SDCCAG8: variants seen among roughly 807,000 people sequenced by gnomAD.
The protein encoded by SDCCAG8 is serologically defined colon cancer antigen 8.
Under a neutral mutation model 101.8 loss-of-function variants are expected in SDCCAG8, and 74 were observed. The observed-to-expected ratio is 0.73, with a 90% CI of 0.60 to 0.88. The LOEUF (loss-of-function observed/expected upper bound fraction) is 0.88, where lower values mean the gene tolerates loss of function less well. SDCCAG8 is among the 40% of genes least tolerant of loss of function. The probability of loss-of-function intolerance (pLI) is 0.00; values close to 1 mark genes in which losing one functional copy is unlikely to be tolerated. For missense variants in SDCCAG8, 787 were observed against 822.6 expected (o/e 0.96, Z 0.53); for synonymous variants, 281 against 292.9 (o/e 0.96, Z 0.41).
chr1:243,412,606 T>C (rs866311121), intron 13 of SDCCAG8, among the ~76,000 whole-genome samples: 8 of 152,158 alleles, frequency 5.3e-5, no homozygotes, highest in East Asian at 3.9e-4. Flanking sequence ...CTTTTTTTTT[T>C]CCCAGCTCAT....
intron 12 of SDCCAG8, 122 bp from the exon 13 acceptor site, chr1:243,378,599 C>T (rs1030953270): frequency 9.4e-7 from 1 of 1,064,796 alleles, no homozygotes; most frequent in Non-Finnish European, 1.4e-6. Context: ...TGGAAGCTAG[C>T]CTAAATTTTC....
chr1:243,270,984 A>C lies in SDCCAG8; in HGVS notation c.227A>C (p.Gln76Pro). Reference protein sequence around the residue: ...PELQQSHAVNQLKDLLRQQAD... With the variant: ...PELQQSHAVNPLKDLLRQQAD... ...CTCTGCTTTTGCTCTATAGTTAATC[A>C]GCTCAAAGATTTGTTGCGCCAACAA... The change falls in exon 3 of 18, where the codon CAG (glutamine) becomes CCG (proline). Residue 76 changes from glutamine (Q) to proline (P), a missense_variant. By Grantham distance (76) the Gln-to-Pro change is moderately conservative. Transcript: ENST00000366541. The C allele has an allele frequency of 1.9e-6, 3 of 1,612,396 alleles. No individual in the cohort carries two copies. The highest frequency in any genetic ancestry group is 2.5e-6 in the Non-Finnish European group (3 of 1,178,574).
intron 12 of SDCCAG8, among the ~76,000 whole-genome samples, chr1:243,376,178 G>T (rs2077584867): frequency 2.6e-5 from 4 of 152,136 alleles, no homozygotes; most frequent in Admixed American, 2.0e-4. Context: ...TGCTGTTCTT[G>T]AAAGACAGAG....
intron 8 of SDCCAG8, among the ~76,000 whole-genome samples, chr1:243,311,657 G>A (rs1461580663): frequency 6.6e-6 from 1 of 152,064 alleles, no homozygotes; most frequent in Non-Finnish European, 1.5e-5. Context: ...GCTCATGCCT[G>A]TAATCCCAGC....
intron 12 of SDCCAG8, among the ~76,000 whole-genome samples, chr1:243,344,689 A>G (rs2075595613): frequency 6.6e-6 from 1 of 152,232 alleles, no homozygotes; most frequent in African/African-American, 2.4e-5. Context: ...CCAATTTTAA[A>G]TGAAAAAGTT....
At chr1:243,448,431 A>G (rs2148119350) in intron 16 of SDCCAG8, among the ~76,000 whole-genome samples, 1 of 152,326 alleles carries the variant, frequency 6.6e-6, no homozygotes, top group Non-Finnish European at 1.5e-5. Context: ...TTCACTCTAC[A>G]TACATACATT....
chr1:243,438,921 A>AT (rs2082338062), intron 16 of SDCCAG8, among the ~76,000 whole-genome samples: 1 of 151,978 alleles, frequency 6.6e-6, no homozygotes, highest in African/African-American at 2.4e-5. Context: ...GTATCTTTCC[A>AT]TATCTGTTTT....
intron 9 of SDCCAG8, among the ~76,000 whole-genome samples, chr1:243,327,403 G>A (rs1351746692): frequency 8.6e-6 from 1 of 116,874 alleles, no homozygotes; most frequent in African/African-American, 2.8e-5. Context: ...TAATTTTATA[G>A]AAATTTATAA....
intron 16 of SDCCAG8, among the ~76,000 whole-genome samples, chr1:243,445,568 G>A (rs1462329679): frequency 6.6e-6 from 1 of 152,228 alleles, no homozygotes; most frequent in Non-Finnish European, 1.5e-5. Context: ...CATGACAGGT[G>A]ATGGATATGT....
chr1:243,362,971 G>A (rs967380336), intron 12 of SDCCAG8, among the ~76,000 whole-genome samples: 7 of 152,156 alleles, frequency 4.6e-5, no homozygotes, highest in South Asian at 2.1e-4. Flanking sequence ...GGTCATTTTC[G>A]TTTGGGCCTG....
At chr1:243,491,722 A>G (rs1666456557) in intron 17 of SDCCAG8, among the ~76,000 whole-genome samples, 2 of 152,180 alleles carry the variant, frequency 1.3e-5, no homozygotes, top group South Asian at 4.1e-4. Context: ...AGGTTCGAGC[A>G]GGTATTTTGG....
chr1:243,499,839 C>G lies in SDCCAG8; in HGVS notation c.*54C>G. On this transcript the variant is annotated 3_prime_UTR_variant, in exon 18 of 18. Transcript: ENST00000366541. ...TTTACAAAGAGATATTTACATTCATCTGGTTTAGACTTAATATGCCACAAC... is the reference window on the plus strand; with the variant it reads ...TTTACAAAGAGATATTTACATTCATGTGGTTTAGACTTAATATGCCACAAC... The G allele has an allele frequency of 6.5e-7, 1 of 1,550,212 alleles. No individual in the cohort carries two copies. Among genetic ancestry groups the G allele is most frequent in the Non-Finnish European group, 8.9e-7 (1 of 1,125,048 alleles).
At chr1:243,486,443 C>T (rs1264333642) in intron 16 of SDCCAG8, among the ~76,000 whole-genome samples, 4 of 152,074 alleles carry the variant, frequency 2.6e-5, no homozygotes, top group Non-Finnish European at 5.9e-5. Context: ...CTTGATTCAG[C>T]GGGGTCTGGG....
intron 16 of SDCCAG8, among the ~76,000 whole-genome samples, chr1:243,472,173 T>A (rs2994325): frequency 0.052 from 7,990 of 152,282 alleles, 727 homozygotes; most frequent in African/African-American, 0.18. Flanking sequence ...TAGCTGCTGA[T>A]ATAGTTAGGT....
At chr1:243,385,884 A>T (rs2078253661) in intron 13 of SDCCAG8, among the ~76,000 whole-genome samples, 2 of 152,084 alleles carry the variant, frequency 1.3e-5, no homozygotes, top group Admixed American at 1.3e-4. Context: ...CTCAAGAATC[A>T]CTTGAGCCCG....
chr1:243,267,463 G>A (rs908525011), intron 1 of SDCCAG8: 4 of 332,314 alleles, frequency 1.2e-5, no homozygotes, highest in South Asian at 2.5e-5. Flanking sequence ...TTAGCCGGGC[G>A]TGGTGACAGG....
At chr1:243,373,692 A>C (rs538837960) in intron 12 of SDCCAG8, among the ~76,000 whole-genome samples, 1 of 152,268 alleles carries the variant, frequency 6.6e-6, no homozygotes, top group African/African-American at 2.4e-5. Flanking sequence ...CATTATAGCC[A>C]TGCAAATTCC....
At chr1:243,285,914 T>C (rs2069566237) in intron 4 of SDCCAG8, among the ~76,000 whole-genome samples, 1 of 152,234 alleles carries the variant, frequency 6.6e-6, no homozygotes, top group Non-Finnish European at 1.5e-5. Context: ...TTGATGGTAT[T>C]TGATCATGAG....
At chr1:243,425,281 T>C (rs2081268181) in intron 15 of SDCCAG8, among the ~76,000 whole-genome samples, 2 of 152,104 alleles carry the variant, frequency 1.3e-5, no homozygotes, top group Non-Finnish European at 1.5e-5. Flanking sequence ...TGCTGACATA[T>C]TGAGAACTGC....
Sources: allele counts gnomAD v4.1 joint callset (sites outside exome capture counted in the v4.1 genomes callset), GRCh38; gene constraint gnomAD v4.1.1; transcripts MANE v1.5; gene names NCBI Gene and HGNC (gene_info 2026-07-23, HGNC 2026-07-21).